Variants in ULK2 observed in about 807,000 individuals in gnomAD.
ULK2 encodes the protein serine/threonine-protein kinase ULK2.
Under a neutral mutation model 127.5 loss-of-function variants are expected in ULK2, and 76 were observed. The observed-to-expected ratio is 0.60, with a 90% CI of 0.50 to 0.72. The LOEUF (loss-of-function observed/expected upper bound fraction) is 0.72. ULK2 is among the 30% of genes least tolerant of loss of function. The pLI is 0.00. For missense variants in ULK2, 1,144 were observed against 1,295.9 expected (o/e 0.88, Z 1.80); for synonymous variants, 452 against 461.9 (o/e 0.98, Z 0.28).
In ULK2 at chr17:19,771,410, A is replaced by G. The variant is rs2086734993; in HGVS notation, c.*4939T>C. On this transcript the variant is annotated 3_prime_UTR_variant, in exon 27 of 27. Transcript: ENST00000395544. Reference sequence around the variant, plus strand: ...CCTGGTGGGCAAGCTGGAGAAAGCAACTTCTATGCAAGAACTGTGTCCTTT... The same window carrying G: ...CCTGGTGGGCAAGCTGGAGAAAGCAGCTTCTATGCAAGAACTGTGTCCTTT... The G allele has an allele frequency of 6.6e-6, 1 of 152,242 alleles. No individual in the cohort carries two copies. The highest frequency in any genetic ancestry group is 1.5e-5 in the Non-Finnish European group (1 of 68,050). 9.4% of individuals were successfully genotyped at this position (152,242 alleles called of 1,614,324 possible).
chr17:19,828,774 A>G (rs1208003626), intron 10 of ULK2, among the ~76,000 whole-genome samples: 1 of 152,258 alleles, frequency 6.6e-6, no homozygotes, highest in Non-Finnish European at 1.5e-5. Flanking sequence ...GGCAAAGTAG[A>G]TTAAAAGGAA....
At chr17:19,796,358 G>C in intron 18 of ULK2, 76 bp from the exon 19 acceptor site, 1 of 1,321,818 alleles carries the variant, frequency 7.6e-7, no homozygotes, top group East Asian at 2.7e-5. Flanking sequence ...TGGCAGGTTT[G>C]TGTGACCCAG....
chr17:19,817,525 T>C (rs16960454), intron 12 of ULK2, among the ~76,000 whole-genome samples: 32,615 of 152,170 alleles, frequency 0.21, 4,432 homozygotes, highest in South Asian at 0.37. Flanking sequence ...GTAGTTGATT[T>C]GTTAGTAGGA....
chr17:19,780,967 A>T lies in ULK2; in HGVS notation c.2758+19T>A. ...CTTAAGGACTGACCCCTGGAGTTAC[A>T]CGCTGCCTTCTCCCATACCTTGTTT... On this transcript the variant is annotated intron_variant, in intron 24 of 26. Transcript: ENST00000395544. 1 of 1,611,254 alleles carries T rather than the reference A, an allele frequency of 6.2e-7. No homozygotes were observed. Among genetic ancestry groups the T allele is most frequent in the Non-Finnish European group, 8.5e-7 (1 of 1,177,748 alleles).
intron 15 of ULK2, among the ~76,000 whole-genome samples, chr17:19,803,167 G>A (rs157392): frequency 0.89 from 136,169 of 152,224 alleles, 61,630 homozygotes; most frequent in Non-Finnish European, 0.97. Context: ...ATTTTTTAAG[G>A]TAAAAAGGGT....
At chr17:19,787,574 ATAAG>A (rs767021349) in intron 20 of ULK2, among the ~76,000 whole-genome samples, 8 of 152,224 alleles carry the variant, frequency 5.3e-5, no homozygotes, top group South Asian at 2.1e-4. Context: ...ACCAGAAATG[ATAAG>A]TAAGAAAGTT....
chr17:19,841,576 T>C, intron 8 of ULK2, 29 bp from the exon 9 acceptor site: 3 of 1,532,976 alleles, frequency 2.0e-6, no homozygotes, highest in Non-Finnish European at 2.6e-6. Flanking sequence ...TTTAATTTCC[T>C]AAACAATGGG....
intron 3 of ULK2, among the ~76,000 whole-genome samples, chr17:19,857,324 A>G (rs1204900960): frequency 1.3e-5 from 2 of 152,112 alleles, no homozygotes; most frequent in Non-Finnish European, 2.9e-5. Flanking sequence ...AAAAAAAAAA[A>G]AATGTTTTAC....
chr17:19,810,229 C>A (rs2087605695), intron 14 of ULK2, 149 bp downstream of exon 14: 11 of 350,820 alleles, frequency 3.1e-5, no homozygotes, highest in East Asian at 1.2e-4. Context: ...GACTCCATCT[C>A]AAAAAAAAAA....
At chr17:19,788,174 G>T (rs1363148447) in intron 20 of ULK2, among the ~76,000 whole-genome samples, 3 of 152,166 alleles carry the variant, frequency 2.0e-5, no homozygotes, top group East Asian at 1.9e-4. Flanking sequence ...CCAAATCCTG[G>T]TGCCGTGCTG....
rs140806803 is a variant in ULK2, at chr17:19,861,829, T to A, written c.225+2974A>T. Among the ~76,000 whole-genome samples the A allele has an allele frequency of 2.8e-3, 427 of 152,312 alleles. 1 individual carries two copies. The highest frequency in any genetic ancestry group is 0.01 in the African/African-American group (418 of 41,584). On this transcript the variant is annotated intron_variant, in intron 3 of 26. Coordinates refer to ENST00000395544, the MANE Select transcript of ULK2 (RefSeq NM_014683.4). ...CTCCCCTTTTCATGCTGCTTTGAAT[T>A]TCTCAAATGAAGAAACGAATTAACA...
chr17:19,849,090 G>A lies in ULK2; in HGVS notation c.295+279C>T, dbSNP rs1597808074. On this transcript the variant is annotated intron_variant, in intron 5 of 26. Transcript: ENST00000395544. ...TTTTGAAGGAGAGGAATTCTATCGG[G>A]TTTCTCCTCTCCTGGGGATAGGACC... Among the ~76,000 whole-genome samples the A allele has an allele frequency of 3.3e-5, 5 of 152,082 alleles. No homozygotes were observed. The South Asian group carries it at 1.0e-3, about 32-fold the overall frequency.
chr17:19,825,214 T>C (rs1190758698), intron 11 of ULK2, 32 bp from the exon 12 acceptor site: 2 of 1,590,676 alleles, frequency 1.3e-6, no homozygotes, highest in East Asian at 2.2e-5. Flanking sequence ...AACTACATCA[T>C]TTTGTAGTGC....
At chr17:19,798,895 G>C (rs2087332598) in intron 17 of ULK2, among the ~76,000 whole-genome samples, 1 of 151,392 alleles carries the variant, frequency 6.6e-6, no homozygotes, top group African/African-American at 2.4e-5. Context: ...GGGCATGGTG[G>C]CTCACACCTG....
intron 9 of ULK2, among the ~76,000 whole-genome samples, chr17:19,840,818 G>C (rs908911863): frequency 6.6e-6 from 1 of 151,930 alleles, no homozygotes; most frequent in African/African-American, 2.4e-5. Flanking sequence ...GAACTCGGGA[G>C]GGGGAGGCTG....
At position 19,843,069 on chromosome 17, in the gene ULK2, T is replaced by C. The variant is rs2041802868; in HGVS notation, c.645+52A>G. 6 of 1,387,898 alleles carry C rather than the reference T, an allele frequency of 4.3e-6. No individual in the cohort carries two copies. The East Asian group carries it at 1.1e-4, about 26-fold the overall frequency. 86.0% of individuals were successfully genotyped at this position (1,387,898 alleles called of 1,614,324 possible). A position where few individuals can be genotyped will look rare whatever the true frequency, so the allele number is the denominator to read the frequency against. ...CTTCATTTTACAAATCAAACGCAACTATAAAATGACAAGATCCCAAAACTG... is the reference window on the plus strand; with the variant it reads ...CTTCATTTTACAAATCAAACGCAACCATAAAATGACAAGATCCCAAAACTG... On this transcript the variant is annotated intron_variant, in intron 8 of 26. Coordinates refer to ENST00000395544, the MANE Select transcript of ULK2 (RefSeq NM_014683.4).
rs1040414156 is a variant in ULK2, at chr17:19,787,155, A to G, written c.2102-1069T>C. ...AGGTGCGTGCCACCACGCCCAGCTA[A>G]TTTTTGTATTTTTAGTAGAGACAGG... On this transcript the variant is annotated intron_variant, in intron 20 of 26. Coordinates refer to ENST00000395544, the MANE Select transcript of ULK2 (RefSeq NM_014683.4). Among the ~76,000 whole-genome samples the G allele has an allele frequency of 4.6e-5, 7 of 151,954 alleles. No homozygotes were observed. The East Asian group carries it at 7.8e-4, about 17-fold the overall frequency.
chr17:19,802,123 C>T (rs1034464592), intron 15 of ULK2, among the ~76,000 whole-genome samples: 1 of 152,200 alleles, frequency 6.6e-6, no homozygotes, highest in African/African-American at 2.4e-5. Flanking sequence ...CCCAACACTT[C>T]CCCAATTCTG....
intron 20 of ULK2, among the ~76,000 whole-genome samples, chr17:19,795,011 G>A (rs988049556): frequency 9.2e-5 from 14 of 151,886 alleles, no homozygotes; most frequent in African/African-American, 1.5e-4. Context: ...CCCGGGAGGC[G>A]GAGCTTGCAG....
Sources: allele counts gnomAD v4.1 joint callset (sites outside exome capture counted in the v4.1 genomes callset), GRCh38; gene constraint gnomAD v4.1.1; transcripts MANE v1.5; gene names NCBI Gene and HGNC (gene_info 2026-07-23, HGNC 2026-07-21).